The following NRAP variants were observed in gnomAD, a reference collection of about 807,000 sequenced individuals.
NRAP encodes the protein nebulin related anchoring protein.
NRAP carries 189 observed loss-of-function variants against 225.9 expected under a neutral mutation model. The observed-to-expected ratio is 0.84, with a 90% CI of 0.74 to 0.94. The LOEUF (loss-of-function observed/expected upper bound fraction) is 0.94, where lower values mean the gene tolerates loss of function less well. Ranked by LOEUF, NRAP falls within the 40% of genes least tolerant of loss-of-function variation. NRAP has a pLI of 0.00. For missense variants in NRAP, 2,176 were observed against 2,168.7 expected, an observed-to-expected ratio of 1.00 and a Z score of -0.07; for synonymous variants, 769 against 790.7, an observed-to-expected ratio of 0.97 and a Z score of 0.46.
chr10:113,592,406 G>T, intron 38 of NRAP, 105 bp from the exon 39 acceptor site: 1 of 687,910 alleles, frequency 1.5e-6, no homozygotes. Context: ...TGGTTCCTAG[G>T]ACGGCACAGC....
In NRAP at chr10:113,596,705, C is replaced by G. The variant is rs141379856; in HGVS notation, c.4431+381G>C. On this transcript the variant is annotated intron_variant, in intron 37 of 41. Coordinates refer to ENST00000359988, the MANE Select transcript of NRAP (RefSeq NM_198060.4). ...GGGATCATCAATAATACTTGGTATT[C>G]TTGTCATTGTGATTATGAATCAAAC... 7.3e-3 allele frequency among the ~76,000 whole-genome samples: 1,106 copies of G among 152,276 alleles called. 18 individuals are homozygous for G. The highest frequency in any genetic ancestry group is 0.025 in the African/African-American group (1,058 of 41,540).
At chr10:113,632,616 G>A (rs1208436226) in intron 16 of NRAP, among the ~76,000 whole-genome samples, 3 of 146,246 alleles carry the variant, frequency 2.1e-5, no homozygotes, top group Admixed American at 2.0e-4. Flanking sequence ...CACATACACA[G>A]TGCCTGCCTC....
chr10:113,596,967 C>T, intron 37 of NRAP, 119 bp downstream of exon 37: 2 of 698,428 alleles, frequency 2.9e-6, no homozygotes, highest in Non-Finnish European at 5.2e-6. Flanking sequence ...TCCAGATCAT[C>T]CAGGTAGTAG....
At chr10:113,612,175 C>A in intron 30 of NRAP, 59 bp downstream of exon 30, 2 of 1,417,878 alleles carry the variant, frequency 1.4e-6, no homozygotes, top group South Asian at 1.2e-5. Flanking sequence ...GCCTGGAGGT[C>A]ACCACCCTGA....
Position 113,614,830 on chromosome 10 carries a change from A to T in NRAP, c.3186+9T>A, listed in dbSNP as rs768840591. Reference sequence around the variant, plus strand: ...GAACATTGTCACAAGAATGGGGGTGAATGCTCACATCACTTATGATTTCAC... The same window carrying T: ...GAACATTGTCACAAGAATGGGGGTGTATGCTCACATCACTTATGATTTCAC... On this transcript the variant is annotated intron_variant, in intron 28 of 41. Coordinates refer to ENST00000359988, the MANE Select transcript of NRAP (RefSeq NM_198060.4). 1.3e-5 allele frequency: 20 copies of T among 1,519,318 alleles called. No homozygotes were observed. The African/African-American group carries it at 2.7e-4, about 21-fold the overall frequency. The allele number at this position is 1,519,318 out of a possible 1,614,324, so 94.1% of individuals were successfully genotyped here.
At position 113,616,549 on chromosome 10, in the gene NRAP, G is replaced by A. The variant is rs1270577654; in HGVS notation, c.2974-733C>T. On this transcript the variant is annotated intron_variant, in intron 26 of 41. Coordinates refer to ENST00000359988, the MANE Select transcript of NRAP (RefSeq NM_198060.4). Reference sequence around the variant, plus strand: ...CTCAGAATTCAGTTTGATTCTGATGGGCTGATTATGAAGAAGTTATAAATT... The same window carrying A: ...CTCAGAATTCAGTTTGATTCTGATGAGCTGATTATGAAGAAGTTATAAATT... Among the ~76,000 whole-genome samples, 4 of 152,074 alleles carry A rather than the reference G, an allele frequency of 2.6e-5. No individual in the cohort carries two copies. The East Asian group carries it at 7.7e-4, about 29-fold the overall frequency.
At chr10:113,602,983 C>T (rs1478090314) in intron 35 of NRAP, among the ~76,000 whole-genome samples, 5 of 152,186 alleles carry the variant, frequency 3.3e-5, no homozygotes, top group East Asian at 1.9e-4. Context: ...CTGAAATGCA[C>T]GGGACAGGCC....
chr10:113,589,897 T>C (rs1052205771), intron 40 of NRAP, 100 bp from the exon 41 acceptor site: 7 of 1,321,870 alleles, frequency 5.3e-6, no homozygotes, highest in Non-Finnish European at 7.3e-6. Flanking sequence ...AGTATGAGAC[T>C]ATGTTGTCTG....
chr10:113,607,357 G>A (rs1173771762), intron 32 of NRAP, among the ~76,000 whole-genome samples: 1 of 126,966 alleles, frequency 7.9e-6, no homozygotes, highest in Admixed American at 9.9e-5. Context: ...AGCTGAGATA[G>A]CACCACTGCA....
At chr10:113,647,542 G>GGTGGTACTTCCTCCCCTA (rs1554866628) in intron 9 of NRAP, among the ~76,000 whole-genome samples, 5 of 65,760 alleles carry the variant, frequency 7.6e-5, no homozygotes, top group East Asian at 5.9e-4. Context: ...TGTCTCCCCC[G>GGTGGTACTTCCTCCCCTA]GTGGTACTGT....
chr10:113,653,861 C>T (rs1850138997), intron 5 of NRAP, among the ~76,000 whole-genome samples, 160 bp downstream of exon 5: 2 of 152,178 alleles, frequency 1.3e-5, no homozygotes. Context: ...ATCACCTTTC[C>T]TCTGACTCTG....
chr10:113,646,036 T>A (rs1036192807), intron 10 of NRAP, 95 bp from the exon 11 acceptor site: 2 of 630,010 alleles, frequency 3.2e-6, no homozygotes, highest in Non-Finnish European at 5.5e-6. Context: ...ATGTCAACAT[T>A]TACTTAATAC....
rs1849873281 is a variant in NRAP at position 113,650,429 on chromosome 10, G to A, written c.783+9C>T. 1.3e-6 allele frequency: 2 copies of A among 1,589,786 alleles called. No homozygotes were observed. Among genetic ancestry groups the A allele is most frequent in the Non-Finnish European group, 1.7e-6 (2 of 1,157,664 alleles). ...TCCCTAACATGACCACATTGTCAAG[G>A]ACACTTACATCACTTGCCAGCTCAT... On this transcript the variant is annotated intron_variant, in intron 8 of 41. Coordinates refer to ENST00000359988, the MANE Select transcript of NRAP (RefSeq NM_198060.4).
intron 23 of NRAP, 89 bp from the exon 24 acceptor site, chr10:113,622,269 G>C: frequency 1.2e-6 from 1 of 833,650 alleles, no homozygotes; most frequent in South Asian, 1.7e-5. Context: ...CTGAAACAAA[G>C]CCATTGGACA....
rs781214826 is a variant in NRAP at position 113,588,917 on chromosome 10, C to G, written c.*58G>C. ...TTGCCGAAATCAAAGCCATCTGAAG[C>G]CTGTCTCTGGTGAACAAACTTCCTC... On this transcript the variant is annotated 3_prime_UTR_variant, in exon 42 of 42. Transcript: ENST00000359988. 1.1e-5 allele frequency: 15 copies of G among 1,371,982 alleles called. No individual in the cohort carries two copies. The highest frequency in any genetic ancestry group is 1.6e-5 in the Non-Finnish European group (15 of 963,148). 85.0% of individuals were successfully genotyped at this position (1,371,982 alleles called of 1,614,324 possible).
chr10:113,645,724 C>T (rs1353007593), intron 11 of NRAP, 101 bp downstream of exon 11: 7 of 648,980 alleles, frequency 1.1e-5, no homozygotes, highest in Admixed American at 2.8e-5. Context: ...GCCGGTGTCA[C>T]ACTTTTAACC....
Position 113,589,238 on chromosome 10 carries a change from T to G in NRAP, c.5089-159A>C, listed in dbSNP as rs3740529. ...TCTACCCTCCCCAAGAAAAAGGGCC[T>G]TCAAGGCAGGAATGAGAAAGCAAAG... On this transcript the variant is annotated intron_variant, in intron 41 of 41. Transcript: ENST00000359988. 162 of 615,282 alleles carry G rather than the reference T, an allele frequency of 2.6e-4. 1 individual carries two copies. The East Asian group carries it at 4.0e-3, about 15-fold the overall frequency. 38.1% of individuals were successfully genotyped at this position (615,282 alleles called of 1,614,324 possible).
chr10:113,627,035 G>C (rs1278992458), intron 20 of NRAP, among the ~76,000 whole-genome samples: 2 of 152,186 alleles, frequency 1.3e-5, no homozygotes, highest in African/African-American at 4.8e-5. Context: ...TCACAGCCTG[G>C]TTCTGGCAAA....
At chr10:113,637,006 C>CAAAAA (rs59937257) in intron 14 of NRAP, among the ~76,000 whole-genome samples, 1 of 89,292 alleles carries the variant, frequency 1.1e-5, no homozygotes. Flanking sequence ...GACTTCATCT[C>CAAAAA]AAAAAAAAAA....
Sources: gnomAD v4.1 joint callset for allele counts (sites outside exome capture counted in the v4.1 genomes callset) on GRCh38, gnomAD v4.1.1 for gene constraint, MANE v1.5 for transcripts, NCBI Gene and HGNC (gene_info 2026-07-23, HGNC 2026-07-21) for gene names.